The following ANK3 variants were observed in gnomAD, a reference collection of about 807,000 sequenced individuals.
ANK3 encodes the protein ankyrin-3.
In ANK3, 57 loss-of-function variants were observed where a neutral mutation model predicts 370.9. The observed-to-expected ratio is 0.15, with a 90% CI of 0.12 to 0.19. ANK3 has a LOEUF of 0.19. ANK3 is among the 10% of genes least tolerant of loss of function. The pLI is 1.00. For missense variants in ANK3, 4,439 were observed against 5,302.1 expected (o/e 0.84, Z 5.06); for synonymous variants, 1,929 against 1,946.3 (o/e 0.99, Z 0.23).
chr10:60,056,539 A>G (rs2079204795), intron 41 of ANK3, among the ~76,000 whole-genome samples: 1 of 152,156 alleles, frequency 6.6e-6, no homozygotes, highest in South Asian at 2.1e-4. Flanking sequence ...GCTTCTAGAC[A>G]TCCCCCATAT....
chr10:60,230,892 TA>T (rs34221364), intron 8 of ANK3, among the ~76,000 whole-genome samples: 95,926 of 137,762 alleles, frequency 0.7, 32,818 homozygotes, highest in East Asian at 0.84. Context: ...GACTCCATCT[TA>T]AAAAAAAAAA....
chr10:60,208,332 T>C (rs1191810623), intron 9 of ANK3, 99 bp from the exon 10 acceptor site: 8 of 1,051,156 alleles, frequency 7.6e-6, no homozygotes, highest in Non-Finnish European at 1.1e-5. Flanking sequence ...ACTCCAGTTC[T>C]TCACATGAAA....
At chr10:60,470,823 AT>A in intron 2 of ANK3, among the ~76,000 whole-genome samples, 1 of 152,180 alleles carries the variant, frequency 6.6e-6, no homozygotes, top group South Asian at 2.1e-4. Context: ...AAAAACAAGT[AT>A]AAAATAATAA....
chr10:60,144,340 A>C, intron 23 of ANK3: 1 of 294,374 alleles, frequency 3.4e-6, no homozygotes, highest in Non-Finnish European at 6.5e-6. Flanking sequence ...AATGATGTGC[A>C]TACACAAAGC....
intron 1 of ANK3, among the ~76,000 whole-genome samples, chr10:60,293,700 C>T (rs1209782905): frequency 2.6e-5 from 4 of 152,108 alleles, no homozygotes; most frequent in Non-Finnish European, 4.4e-5. Flanking sequence ...TAAAATGAAA[C>T]GAGATAGTAT....
chr10:60,229,620 C>T (rs998083667), intron 8 of ANK3, among the ~76,000 whole-genome samples: 1 of 152,148 alleles, frequency 6.6e-6, no homozygotes. Flanking sequence ...ATTGGAAGTG[C>T]CTTGAAAACA....
At chr10:60,285,764 CAAA>C (rs1185754268) in intron 1 of ANK3, among the ~76,000 whole-genome samples, 1 of 152,144 alleles carries the variant, frequency 6.6e-6, no homozygotes, top group Non-Finnish European at 1.5e-5. Flanking sequence ...TCAACAACAG[CAAA>C]AACAGAAGTG....
chr10:60,056,633 T>C (rs896103768), intron 41 of ANK3, among the ~76,000 whole-genome samples: 25 of 152,178 alleles, frequency 1.6e-4, no homozygotes, highest in African/African-American at 5.3e-4. Flanking sequence ...ATCATCTTGA[T>C]GAGTGATCCT....
chr10:60,153,459 A>C (rs2095226157), intron 23 of ANK3, among the ~76,000 whole-genome samples: 1 of 152,186 alleles, frequency 6.6e-6, no homozygotes, highest in African/African-American at 2.4e-5. Flanking sequence ...ACTGGATAGA[A>C]GTGCTGTGGG....
intron 21 of ANK3, among the ~76,000 whole-genome samples, chr10:60,168,170 C>T (rs538615199): frequency 8.5e-5 from 13 of 152,276 alleles, no homozygotes; most frequent in Non-Finnish European, 1.5e-4. Flanking sequence ...GGATTACAGA[C>T]GTGCATGGCC....
intron 25 of ANK3, among the ~76,000 whole-genome samples, chr10:60,115,756 TA>T (rs970494096): frequency 2.0e-5 from 3 of 151,460 alleles, no homozygotes; most frequent in African/African-American, 7.3e-5. Context: ...AAGGATAGGT[TA>T]AAAAAAAGAA....
At chr10:60,615,333 G>T (rs749814668) in intron 1 of ANK3, 2 of 654,696 alleles carry the variant, frequency 3.1e-6, no homozygotes, top group Non-Finnish European at 4.7e-6. Flanking sequence ...AACATAGTAA[G>T]TTCCTTAAAA....
intron 42 of ANK3, among the ~76,000 whole-genome samples, chr10:60,055,290 A>G (rs10994173): frequency 0.1 from 15,956 of 152,144 alleles, 2,473 homozygotes; most frequent in African/African-American, 0.34. Flanking sequence ...TCCTCCCATA[A>G]GGAAGAACAC....
chr10:60,658,740 G>A (rs2133369910), intron 1 of ANK3, among the ~76,000 whole-genome samples: 1 of 152,078 alleles, frequency 6.6e-6, no homozygotes, highest in African/African-American at 2.4e-5. Flanking sequence ...GATAATATAT[G>A]TAGCAACTCT....
intron 1 of ANK3, among the ~76,000 whole-genome samples, chr10:60,646,667 G>A (rs1394255774): frequency 6.6e-6 from 1 of 152,148 alleles, no homozygotes; most frequent in Non-Finnish European, 1.5e-5. Context: ...AAAGAAGGAT[G>A]TCAGAGATTA....
intron 25 of ANK3, among the ~76,000 whole-genome samples, chr10:60,116,591 A>AT (rs976353068): frequency 3.1e-4 from 28 of 91,356 alleles, no homozygotes; most frequent in Middle Eastern, 6.5e-3. Flanking sequence ...TAGACTACTT[A>AT]TTAAAAAAAA....
chr10:60,587,389 T>C (rs1267553014), intron 2 of ANK3, among the ~76,000 whole-genome samples: 2 of 152,210 alleles, frequency 1.3e-5, no homozygotes, highest in Admixed American at 6.5e-5. Context: ...AGAGTTTCCC[T>C]AACTAATTCC....
chr10:60,220,757 G>A (rs966009319), intron 8 of ANK3, among the ~76,000 whole-genome samples: 1 of 152,054 alleles, frequency 6.6e-6, no homozygotes, highest in Non-Finnish European at 1.5e-5. Flanking sequence ...AGCTGTACCC[G>A]AACCACCTTG....
At chr10:60,097,785 C>T (rs16914758) in intron 28 of ANK3, among the ~76,000 whole-genome samples, 16,471 of 152,048 alleles carry the variant, frequency 0.11, 1,144 homozygotes, top group African/African-American at 0.2. Flanking sequence ...TCAAAGGCTA[C>T]TTGTGACCTG....
Sources: allele counts gnomAD v4.1 joint callset (sites outside exome capture counted in the v4.1 genomes callset), GRCh38; gene constraint gnomAD v4.1.1; transcripts MANE v1.5; gene names NCBI Gene and HGNC (gene_info 2026-07-23, HGNC 2026-07-21).